The following RASAL2 variants were observed in gnomAD, a reference collection of about 807,000 sequenced individuals.
RASAL2 encodes the protein RAS protein activator like 2, also known as ras GTPase-activating protein nGAP.
RASAL2 carries 58 observed loss-of-function variants against 128.9 expected under a neutral mutation model. The ratio of observed to expected loss-of-function variants is 0.45; its 90% confidence interval spans 0.36 to 0.56. RASAL2 has a LOEUF of 0.56. Ranked by LOEUF, RASAL2 falls within the 20% of genes least tolerant of loss-of-function variation. The probability of loss-of-function intolerance (pLI) is 0.00; values close to 1 mark genes in which losing one functional copy is unlikely to be tolerated. For synonymous variants in RASAL2, 561 were observed against 580.8 expected (o/e 0.97, Z 0.49); for missense variants, 1,360 against 1,601.6 (o/e 0.85, Z 2.57).
At chr1:178,327,726 T>C (rs1410656808) in intron 3 of RASAL2, among the ~76,000 whole-genome samples, 1 of 152,102 alleles carries the variant, frequency 6.6e-6, no homozygotes, top group Non-Finnish European at 1.5e-5. Flanking sequence ...AGAAAAACAG[T>C]ATAGAAATGG....
chr1:178,455,524 G>A (rs753250160), intron 12 of RASAL2, among the ~76,000 whole-genome samples: 4 of 152,190 alleles, frequency 2.6e-5, no homozygotes, highest in Non-Finnish European at 5.9e-5. Context: ...CCACTTTGCT[G>A]AGGAAACATA....
intron 1 of RASAL2, among the ~76,000 whole-genome samples, chr1:178,159,581 AT>A (rs996863975): frequency 1.1e-4 from 17 of 152,150 alleles, no homozygotes; most frequent in African/African-American, 4.1e-4. Context: ...TTAGACTATT[AT>A]TGAAAAACAA....
intron 1 of RASAL2, among the ~76,000 whole-genome samples, chr1:178,162,937 A>AAC (rs1264855756): frequency 6.6e-6 from 1 of 151,622 alleles, no homozygotes; most frequent in African/African-American, 2.4e-5. Flanking sequence ...TGATTTGAAA[A>AAC]ACATTTCCTC....
Position 178,445,551 on chromosome 1 carries a change from G to A in RASAL2, c.1516G>A (p.Asp506Asn). 4 of 1,613,758 alleles carry A rather than the reference G, an allele frequency of 2.5e-6. No homozygotes were observed. The highest frequency in any genetic ancestry group is 3.4e-6 in the Non-Finnish European group (4 of 1,179,748). The change falls in exon 9 of 18, where the codon GAT becomes AAT. Residue 506 changes from aspartate (D) to asparagine (N), a missense_variant. Asp to Asn is a conservative substitution (Grantham distance 23). Coordinates refer to ENST00000367649, the MANE Select transcript of RASAL2 (RefSeq NM_170692.4). ...GACTGACTTGGTGATGTCTGAGGTG[G>A]ATCGTTGTGGAGAGCATGATGTCTT... Reference protein sequence around the residue: ...FLTDLVMSEVDRCGEHDVLIF... With the variant: ...FLTDLVMSEVNRCGEHDVLIF...
At chr1:178,472,961 G>C (rs1648408090) in intron 17 of RASAL2, 114 bp from the exon 18 acceptor site, 1 of 1,239,832 alleles carries the variant, frequency 8.1e-7, no homozygotes, top group Admixed American at 2.1e-5. Flanking sequence ...CATTTGTCTG[G>C]GAAGCACCAT....
chr1:178,251,529 T>G (rs1034655590), intron 1 of RASAL2, among the ~76,000 whole-genome samples: 1 of 152,216 alleles, frequency 6.6e-6, no homozygotes, highest in African/African-American at 2.4e-5. Flanking sequence ...TTTATCTACA[T>G]AGTTTTAATT....
chr1:178,390,469 C>T (rs1405242316), intron 4 of RASAL2, among the ~76,000 whole-genome samples: 3 of 152,274 alleles, frequency 2.0e-5, no homozygotes, highest in Non-Finnish European at 2.9e-5. Flanking sequence ...ACCTCCCCCT[C>T]CCGAGTTTAG....
intron 3 of RASAL2, chr1:178,341,398 GC>G: frequency 7.2e-7 from 1 of 1,379,930 alleles, no homozygotes. Context: ...GGGATTGGGG[GC>G]GGGGTTGGGG....
intron 3 of RASAL2, among the ~76,000 whole-genome samples, chr1:178,351,004 A>T (rs1670444208): frequency 6.6e-6 from 1 of 152,180 alleles, no homozygotes; most frequent in South Asian, 2.1e-4. Context: ...GACAGAAGGC[A>T]AAACGAGATC....
intron 1 of RASAL2, among the ~76,000 whole-genome samples, chr1:178,210,832 C>G (rs1299620910): frequency 2.0e-5 from 3 of 152,160 alleles, no homozygotes; most frequent in African/African-American, 7.2e-5. Flanking sequence ...TTTGCTCTGT[C>G]CAAACACCAA....
At chr1:178,382,831 A>G (rs570231714) in intron 3 of RASAL2, among the ~76,000 whole-genome samples, 33 of 152,306 alleles carry the variant, frequency 2.2e-4, no homozygotes, top group Admixed American at 7.2e-4. Context: ...CATCATCATT[A>G]AGATACCCAC....
rs761254810 is a variant in RASAL2 at position 178,452,648 on chromosome 1, G to A, written c.2005G>A (p.Ala669Thr). 16 of 1,607,864 alleles carry A rather than the reference G, an allele frequency of 1.0e-5. No individual in the cohort carries two copies. The highest frequency in any genetic ancestry group is 1.4e-5 in the Non-Finnish European group (16 of 1,174,530). ...GGTCATTCAGAACCTGGCCAACTTTGCCAAGTAGGTGATACTGTTGTAACC... is the reference window on the plus strand; with the variant it reads ...GGTCATTCAGAACCTGGCCAACTTTACCAAGTAGGTGATACTGTTGTAACC... ...AKVIQNLANF[A>T]KFGNKEEYMA... Residue 669 changes from alanine (A) to threonine (T), a missense_variant, in exon 11 of 18, where the codon GCC becomes ACC. Physicochemically the swap from Ala to Thr is moderately conservative, Grantham distance 58. Transcript: ENST00000367649.
chr1:178,461,022 C>T (rs551265828), intron 14 of RASAL2, among the ~76,000 whole-genome samples: 2 of 152,098 alleles, frequency 1.3e-5, no homozygotes, highest in South Asian at 4.2e-4. Context: ...TCATGTTGGC[C>T]AGGTTGGTCT....
intron 3 of RASAL2, among the ~76,000 whole-genome samples, chr1:178,354,636 G>A (rs1670701440): frequency 6.6e-6 from 1 of 152,156 alleles, no homozygotes; most frequent in African/African-American, 2.4e-5. Context: ...TAGATAACAA[G>A]ATCCATAAAC....
chr1:178,265,147 A>G (rs1032382399), intron 1 of RASAL2, among the ~76,000 whole-genome samples: 3 of 152,246 alleles, frequency 2.0e-5, no homozygotes, highest in Admixed American at 2.0e-4. Context: ...GAATCTAGTT[A>G]TCTGACTATA....
At chr1:178,151,535 G>A (rs1660915059) in intron 1 of RASAL2, among the ~76,000 whole-genome samples, 1 of 152,146 alleles carries the variant, frequency 6.6e-6, no homozygotes, top group African/African-American at 2.4e-5. Flanking sequence ...TCTCATATTC[G>A]CTAAGCGGTT....
intron 1 of RASAL2, among the ~76,000 whole-genome samples, chr1:178,190,592 A>T (rs1434176164): frequency 6.6e-6 from 1 of 152,182 alleles, no homozygotes; most frequent in African/African-American, 2.4e-5. Context: ...TAGCTAGAAT[A>T]AACTACGTGC....
chr1:178,369,499 A>G (rs1458099870), intron 3 of RASAL2, among the ~76,000 whole-genome samples: 1 of 152,184 alleles, frequency 6.6e-6, no homozygotes, highest in East Asian at 1.9e-4. Context: ...CTGGGATTAC[A>G]GGCATGAGCC....
At chr1:178,221,962 G>C (rs1558123226) in intron 1 of RASAL2, among the ~76,000 whole-genome samples, 1 of 152,008 alleles carries the variant, frequency 6.6e-6, no homozygotes, top group Non-Finnish European at 1.5e-5. Context: ...TACACATTAA[G>C]GATTGTTAAA....
Sources: gnomAD v4.1 joint callset for allele counts (sites outside exome capture counted in the v4.1 genomes callset) on GRCh38, gnomAD v4.1.1 for gene constraint, MANE v1.5 for transcripts, NCBI Gene and HGNC (gene_info 2026-07-23, HGNC 2026-07-21) for gene names.